Variants in NAV2 observed in about 807,000 individuals in gnomAD.
NAV2 encodes helicase, APC down-regulated 1.
Under a neutral mutation model 223.2 loss-of-function variants are expected in NAV2, and 54 were observed. The ratio of observed to expected loss-of-function variants is 0.24; its 90% CI spans 0.19 to 0.30. NAV2 has a LOEUF of 0.30. NAV2 is among the 10% of genes least tolerant of loss of function. The probability of loss-of-function intolerance (pLI) is 1.00; values close to 1 mark genes in which losing one functional copy is unlikely to be tolerated. For synonymous variants in NAV2, 1,279 were observed against 1,239.3 expected (o/e 1.03, Z -0.67); for missense variants, 2,806 against 3,147.5 (o/e 0.89, Z 2.60).
At chr11:19,672,055 G>T (rs897853299) in intron 1 of NAV2, among the ~76,000 whole-genome samples, 2 of 152,202 alleles carry the variant, frequency 1.3e-5, no homozygotes, top group African/African-American at 2.4e-5. Flanking sequence ...TCCGAGTTGA[G>T]TAAGAATGAG....
intron 1 of NAV2, among the ~76,000 whole-genome samples, chr11:19,562,230 C>T (rs186403072): frequency 6.6e-6 from 1 of 152,312 alleles, no homozygotes; most frequent in East Asian, 1.9e-4. Context: ...TTTAGTCTCG[C>T]AACATCCATA....
At chr11:19,840,860 G>A (rs537837716) in intron 2 of NAV2, among the ~76,000 whole-genome samples, 14 of 152,312 alleles carry the variant, frequency 9.2e-5, no homozygotes, top group African/African-American at 3.4e-4. Flanking sequence ...TGTGGCTCCT[G>A]TGTGCCAGAC....
chr11:20,107,166 C>G (rs1469534887), intron 35 of NAV2: 1 of 140,106 alleles, frequency 7.1e-6, no homozygotes, highest in Non-Finnish European at 1.5e-5. Flanking sequence ...CAAGCTCTGC[C>G]TCCCAGGTTC....
intron 20 of NAV2, among the ~76,000 whole-genome samples, chr11:20,064,981 A>G (rs1465145266): frequency 2.0e-5 from 3 of 152,042 alleles, no homozygotes; most frequent in African/African-American, 4.8e-5. Context: ...AAAGGCTCCC[A>G]TTTACTGTCC....
chr11:19,755,406 A>G (rs142254748), intron 1 of NAV2, among the ~76,000 whole-genome samples: 98 of 152,320 alleles, frequency 6.4e-4, no homozygotes, highest in African/African-American at 2.3e-3. Flanking sequence ...AAGGCTAGAC[A>G]TGTAGGTTGT....
chr11:19,955,488 A>G (rs537952795), intron 10 of NAV2, among the ~76,000 whole-genome samples: 1 of 152,328 alleles, frequency 6.6e-6, no homozygotes, highest in South Asian at 2.1e-4. Flanking sequence ...TTGTAGCACC[A>G]TTGAGTTTGA....
rs943619275 is a variant in NAV2 at position 19,914,569 on chromosome 11, G to A, written c.932-18607G>A. Among the ~76,000 whole-genome samples, 4 of 146,938 alleles carry A rather than the reference G, an allele frequency of 2.7e-5. No individual in the cohort carries two copies. In the East Asian group the frequency reaches 6.0e-4, roughly 22 times the overall value. ...TTTTTTTTTTTTGAGACGGAGTCTC[G>A]CTCTGTCGCCCAGGCCGGACTGCGG... On this transcript the variant is annotated intron_variant, in intron 6 of 37. Transcript: ENST00000349880.
At chr11:19,532,695 C>G (rs1233538646) in intron 1 of NAV2, among the ~76,000 whole-genome samples, 1 of 152,164 alleles carries the variant, frequency 6.6e-6, no homozygotes, top group Non-Finnish European at 1.5e-5. Flanking sequence ...GCTTAAAGCC[C>G]CCTGCCTCCC....
At chr11:20,036,786 C>A (rs527736792) in intron 12 of NAV2, among the ~76,000 whole-genome samples, 6 of 152,304 alleles carry the variant, frequency 3.9e-5, no homozygotes, top group African/African-American at 1.2e-4. Context: ...GTATCCAACC[C>A]CTTAGACCTG....
At chr11:19,431,818 G>A (rs1002986770) in intron 1 of NAV2, among the ~76,000 whole-genome samples, 3 of 152,350 alleles carry the variant, frequency 2.0e-5, no homozygotes, top group Admixed American at 6.5e-5. Flanking sequence ...TGGCTTAGCA[G>A]CAGCTAGGAA....
chr11:19,637,047 G>T (rs73422485), intron 1 of NAV2, among the ~76,000 whole-genome samples: 2,838 of 152,294 alleles, frequency 0.019, 89 homozygotes, highest in African/African-American at 0.064. Flanking sequence ...CCTCTGGGCC[G>T]TCTTTTTATG....
At chr11:20,013,732 C>T (rs2053770901) in intron 11 of NAV2, among the ~76,000 whole-genome samples, 1 of 152,084 alleles carries the variant, frequency 6.6e-6, no homozygotes, top group Admixed American at 6.6e-5. Flanking sequence ...AGGTCTGTCC[C>T]CAGTAGGGGA....
In NAV2 at chr11:19,804,255, G is replaced by A. The variant is rs368563002; in HGVS notation, c.268-28229G>A. Among the ~76,000 whole-genome samples the A allele has an allele frequency of 2.7e-4, 41 of 152,242 alleles. 1 individual carries two copies. In the South Asian group the frequency reaches 5.8e-3, roughly 22 times the overall value. On this transcript the variant is annotated intron_variant, in intron 1 of 37. Transcript: ENST00000349880. ...AAAATTATTCATTTTCAATTACAAC[G>A]TCACCAAACGTATGTCTAGTTATTT...
intron 26 of NAV2, among the ~76,000 whole-genome samples, chr11:20,088,454 C>T (rs2060600511): frequency 1.3e-5 from 2 of 152,188 alleles, no homozygotes; most frequent in South Asian, 4.1e-4. Flanking sequence ...GGATTACAGG[C>T]GTGAGCCGCC....
At chr11:19,694,771 A>AG (rs1162198789) in intron 1 of NAV2, among the ~76,000 whole-genome samples, 1 of 152,216 alleles carries the variant, frequency 6.6e-6, no homozygotes, top group African/African-American at 2.4e-5. Flanking sequence ...CAAGGGACCA[A>AG]CAGCTATTGC....
At chr11:20,055,714 G>T (rs2058322741) in intron 18 of NAV2, 55 bp from the exon 19 acceptor site, 5 of 1,514,972 alleles carry the variant, frequency 3.3e-6, no homozygotes, top group Non-Finnish European at 4.5e-6. Context: ...CCCCAACCAG[G>T]ATTTGAACAG....
At chr11:19,410,323 A>G (rs1281008997) in intron 1 of NAV2, among the ~76,000 whole-genome samples, 1 of 152,104 alleles carries the variant, frequency 6.6e-6, no homozygotes, top group African/African-American at 2.4e-5. Context: ...GCCCTGCCTG[A>G]TTATATATTC....
intron 1 of NAV2, among the ~76,000 whole-genome samples, chr11:19,589,517 A>G (rs528187048): frequency 6.6e-6 from 1 of 152,330 alleles, no homozygotes; most frequent in South Asian, 2.1e-4. Flanking sequence ...CCAGGCTGAC[A>G]AAGCGGGAAA....
chr11:19,932,236 CAAAAAAAAAAAAA>C (rs398015484), intron 6 of NAV2, among the ~76,000 whole-genome samples: 1 of 78,988 alleles, frequency 1.3e-5, no homozygotes, highest in African/African-American at 6.1e-5. Flanking sequence ...CACTCTTAAG[CAAAAAAAAAAAAA>C]AAAAAAAAAA....
Sources: allele counts gnomAD v4.1 joint callset (sites outside exome capture counted in the v4.1 genomes callset), GRCh38; gene constraint gnomAD v4.1.1; transcripts MANE v1.5; gene names NCBI Gene and HGNC (gene_info 2026-07-23, HGNC 2026-07-21).